Variants in SEMA5A observed in about 807,000 individuals in gnomAD.
SEMA5A encodes the protein semaphorin 5A.
SEMA5A carries 55 observed loss-of-function variants against 135.5 expected under a neutral mutation model. The observed-to-expected ratio is 0.41, with a 90% CI of 0.33 to 0.51. SEMA5A has a LOEUF of 0.51. SEMA5A is among the 20% of genes least tolerant of loss of function. The probability of loss-of-function intolerance (pLI) is 0.37; values close to 1 mark genes in which losing one functional copy is unlikely to be tolerated. For synonymous variants in SEMA5A, 580 were observed against 546.5 expected, an observed-to-expected ratio of 1.06 and a Z score of -0.85; for missense variants, 1,290 against 1,419.9, an observed-to-expected ratio of 0.91 and a Z score of 1.47.
At chr5:9,389,666 C>G (rs999649684) in intron 2 of SEMA5A, among the ~76,000 whole-genome samples, 17 of 152,162 alleles carry the variant, frequency 1.1e-4, no homozygotes, top group Non-Finnish European at 1.8e-4. Flanking sequence ...GCCCTCCTCT[C>G]TGTCCTGACC....
rs781552335 is a variant in SEMA5A, at chr5:9,197,228, C to T, written c.1008G>A (p.Lys336=). The T allele has an allele frequency of 1.9e-6, 3 of 1,614,084 alleles. No individual in the cohort carries two copies. The highest frequency in any genetic ancestry group is 2.7e-5 in the African/African-American group (2 of 74,942). ...AGGCCGAGCGCGAGTTTTCTTGGTA[C>T]TTGAAGGGCCCAGAGAAGGCCTGCG... ...AIAQAFSGPF[K]YQENSRSAWL... is the part of the protein sequence containing the mutation. The change falls in exon 10 of 23, where the codon AAG becomes AAA. Residue 336 remains lysine, a synonymous_variant. Coordinates refer to ENST00000382496, the MANE Select transcript of SEMA5A (RefSeq NM_003966.3).
chr5:9,374,446 A>G (rs1339891004), intron 3 of SEMA5A, among the ~76,000 whole-genome samples: 2 of 152,176 alleles, frequency 1.3e-5, no homozygotes, highest in Middle Eastern at 3.2e-3. Flanking sequence ...ATTTTAAGTC[A>G]AGATTATCCG....
chr5:9,179,903 G>A (rs1426513734), intron 11 of SEMA5A, among the ~76,000 whole-genome samples: 4 of 152,130 alleles, frequency 2.6e-5, no homozygotes, highest in South Asian at 2.1e-4. Context: ...TTAAAGCAGC[G>A]GAAATGTATT....
chr5:9,444,153 T>G (rs939431870), intron 1 of SEMA5A, among the ~76,000 whole-genome samples: 2 of 152,088 alleles, frequency 1.3e-5, no homozygotes, highest in African/African-American at 4.8e-5. Context: ...ATATCACCAC[T>G]TAAATTTTTT....
intron 2 of SEMA5A, among the ~76,000 whole-genome samples, chr5:9,425,559 G>A (rs1169873692): frequency 4.6e-5 from 7 of 152,214 alleles, no homozygotes; most frequent in Admixed American, 4.6e-4. Context: ...AGGAAGAGAT[G>A]TTTCAGGGAC....
intron 2 of SEMA5A, among the ~76,000 whole-genome samples, chr5:9,384,799 G>T (rs1251987528): frequency 6.6e-6 from 1 of 152,076 alleles, no homozygotes; most frequent in African/African-American, 2.4e-5. Context: ...CTCTTTGGAA[G>T]TTAAACAAGC....
chr5:9,381,565 T>G (rs1452952927), intron 2 of SEMA5A, among the ~76,000 whole-genome samples: 2 of 152,150 alleles, frequency 1.3e-5, no homozygotes, highest in Admixed American at 6.5e-5. Flanking sequence ...TTTAAGACAC[T>G]GAGACACTAG....
In SEMA5A at chr5:9,476,919, T is replaced by TAA. The variant is rs552785915; in HGVS notation, c.-174-39069_-174-39068dup. On this transcript the variant is annotated intron_variant, in intron 1 of 22. Coordinates refer to ENST00000382496, the MANE Select transcript of SEMA5A (RefSeq NM_003966.3). ...TAGCAAGACCATGTCTTTACAAAAC[T>TAA]AAAAAAAAAAAAATAGCCATGCATG... Among the ~76,000 whole-genome samples the TAA allele has an allele frequency of 1.3e-4, 19 of 141,460 alleles. No individual in the cohort carries two copies. The South Asian group carries it at 3.4e-3, about 25-fold the overall frequency. 92.8% of individuals were successfully genotyped at this position (141,460 alleles called of 152,430 possible). A position where few individuals can be genotyped will look rare whatever the true frequency, so the allele number is the denominator to read the frequency against.
At chr5:9,211,880 G>A (rs548129350) in intron 8 of SEMA5A, among the ~76,000 whole-genome samples, 7 of 152,174 alleles carry the variant, frequency 4.6e-5, no homozygotes, top group Non-Finnish European at 1.0e-4. Context: ...AAATGATACA[G>A]TTGAAAAGAC....
chr5:9,154,326 C>A (rs1159452246), intron 12 of SEMA5A, among the ~76,000 whole-genome samples, 162 bp downstream of exon 12: 1 of 151,728 alleles, frequency 6.6e-6, no homozygotes, highest in Non-Finnish European at 1.5e-5. Context: ...CACAGTGAAT[C>A]TATTTTAATG....
intron 2 of SEMA5A, among the ~76,000 whole-genome samples, chr5:9,398,795 G>A (rs1184285391): frequency 6.6e-6 from 1 of 152,160 alleles, no homozygotes; most frequent in Non-Finnish European, 1.5e-5. Context: ...AGTATGATTC[G>A]GCAAAGTGAA....
At chr5:9,394,318 G>C (rs1009485891) in intron 2 of SEMA5A, among the ~76,000 whole-genome samples, 1 of 152,108 alleles carries the variant, frequency 6.6e-6, no homozygotes, top group Non-Finnish European at 1.5e-5. Flanking sequence ...TCCCCCAAGA[G>C]TGGTAACCAT....
rs374625561 is a variant in SEMA5A, at chr5:9,324,070, TTTTA to T, written c.225-5657_225-5654del. ...TTCAGCTATTTTAAACAATATTTTA[TTTTA>T]TTTTTTTTTTTTGAGATGGAGTCTC... On this transcript the variant is annotated intron_variant, in intron 4 of 22. Coordinates refer to ENST00000382496, the MANE Select transcript of SEMA5A (RefSeq NM_003966.3). Among the ~76,000 whole-genome samples the T allele has an allele frequency of 6.5e-3, 937 of 143,420 alleles. 12 individuals carry two copies. The highest frequency in any genetic ancestry group is 0.026 in the African/African-American group (893 of 34,690). The allele number at this position is 143,420 out of a possible 152,430, so 94.1% of individuals were successfully genotyped here.
At chr5:9,495,083 T>C (rs187035502) in intron 1 of SEMA5A, among the ~76,000 whole-genome samples, 2 of 152,350 alleles carry the variant, frequency 1.3e-5, no homozygotes, top group African/African-American at 2.4e-5. Context: ...TGTAGGATAT[T>C]CCAAAGTGTT....
intron 6 of SEMA5A, among the ~76,000 whole-genome samples, chr5:9,237,352 T>C (rs1029975588): frequency 2.6e-5 from 4 of 152,194 alleles, no homozygotes; most frequent in African/African-American, 7.2e-5. Context: ...GCACATTCTA[T>C]AGGAACATGG....
At chr5:9,485,241 C>A (rs1274069578) in intron 1 of SEMA5A, among the ~76,000 whole-genome samples, 3 of 150,038 alleles carry the variant, frequency 2.0e-5, no homozygotes, top group African/African-American at 5.0e-5. Flanking sequence ...CTTCTCCCAC[C>A]CCCAGGCCCT....
chr5:9,519,926 C>T (rs138072902), intron 1 of SEMA5A: 1 of 152,314 alleles, frequency 6.6e-6, no homozygotes, highest in Non-Finnish European at 1.5e-5. Flanking sequence ...CAATGTGCTT[C>T]TGAAACATTG....
intron 8 of SEMA5A, among the ~76,000 whole-genome samples, chr5:9,222,373 G>A (rs1443294936): frequency 6.6e-6 from 1 of 152,124 alleles, no homozygotes; most frequent in African/African-American, 2.4e-5. Flanking sequence ...ACACAGGAGA[G>A]GTATGAAGAC....
chr5:9,492,669 G>A (rs1735082666), intron 1 of SEMA5A, among the ~76,000 whole-genome samples: 1 of 152,128 alleles, frequency 6.6e-6, no homozygotes, highest in African/African-American at 2.4e-5. Flanking sequence ...GCATACCATG[G>A]AATATTAGCC....
Sources: gnomAD v4.1 joint callset for allele counts (sites outside exome capture counted in the v4.1 genomes callset) on GRCh38, gnomAD v4.1.1 for gene constraint, MANE v1.5 for transcripts, NCBI Gene and HGNC (gene_info 2026-07-23, HGNC 2026-07-21) for gene names.